The following CACNB2 variants were observed in gnomAD, a reference collection of about 807,000 sequenced individuals.
CACNB2 encodes the protein calcium voltage-gated channel auxiliary subunit beta 2, also known as voltage-dependent L-type calcium channel subunit beta-2.
A neutral mutation model predicts 73.3 loss-of-function variants in CACNB2; 42 were observed. That is an observed-to-expected ratio of 0.57 (90% CI 0.45 to 0.74). The LOEUF (loss-of-function observed/expected upper bound fraction) is 0.74, where lower values mean the gene tolerates loss of function less well. Among genes scored for constraint, CACNB2 ranks in the 30% least tolerant of loss-of-function variants. CACNB2 has a pLI of 0.00. For synonymous variants in CACNB2, 348 were observed against 310.3 expected, an observed-to-expected ratio of 1.12 and a Z score of -1.28; for missense variants, 940 against 853.0, an observed-to-expected ratio of 1.10 and a Z score of -1.27.
chr10:18,507,525 A>T (rs1208341057), intron 6 of CACNB2, among the ~76,000 whole-genome samples: 2 of 152,264 alleles, frequency 1.3e-5, no homozygotes, highest in East Asian at 3.8e-4. Flanking sequence ...ATGCTAAAAC[A>T]TTGTTTTAAA....
intron 1 of CACNB2, chr10:18,141,136 G>C: frequency 6.5e-7 from 1 of 1,550,180 alleles, no homozygotes. Context: ...GGTTGCTCCA[G>C]CTGGCCCTCC....
chr10:18,152,161 G>T (rs1482069897), intron 2 of CACNB2, among the ~76,000 whole-genome samples: 1 of 152,032 alleles, frequency 6.6e-6, no homozygotes, highest in Non-Finnish European at 1.5e-5. Context: ...TTTGATCTTG[G>T]CTGGTTGCTG....
intron 2 of CACNB2, among the ~76,000 whole-genome samples, chr10:18,348,019 C>T (rs1033044987): frequency 2.0e-5 from 3 of 152,096 alleles, no homozygotes; most frequent in African/African-American, 7.2e-5. Flanking sequence ...TGTATATCCA[C>T]CCAAATATAA....
rs2052884416 is a variant in CACNB2 at position 18,530,405 on chromosome 10, T to C, written c.1054+2708T>C. 2.0e-5 allele frequency among the ~76,000 whole-genome samples: 3 copies of C among 151,856 alleles called. No individual in the cohort carries two copies. The South Asian group carries it at 6.3e-4, about 32-fold the overall frequency. The stretch of plus-strand genomic sequence containing the variant: ...GTATATATAGACAGACAGAGATGGC[T>C]GGTCAGTGGTTGAGAATTCTAAAAG... On this transcript the variant is annotated intron_variant, in intron 10 of 13. Coordinates refer to ENST00000324631, the MANE Select transcript of CACNB2 (RefSeq NM_201596.3).
intron 2 of CACNB2, among the ~76,000 whole-genome samples, chr10:18,198,054 TAATA>T (rs1255155437): frequency 6.8e-6 from 1 of 147,992 alleles, no homozygotes; most frequent in African/African-American, 2.5e-5. Context: ...TATACATAAA[TAATA>T]AATGTTAATG....
intron 3 of CACNB2, among the ~76,000 whole-genome samples, chr10:18,477,285 G>A (rs1310572682): frequency 6.6e-6 from 1 of 152,094 alleles, no homozygotes; most frequent in Non-Finnish European, 1.5e-5. Flanking sequence ...GGTGGGATTT[G>A]GCCGGCTTCT....
chr10:18,231,597 A>C (rs1338838464), intron 2 of CACNB2, among the ~76,000 whole-genome samples: 3 of 152,170 alleles, frequency 2.0e-5, no homozygotes, highest in East Asian at 1.9e-4. Context: ...TATCCATTGA[A>C]CCTTCACTGG....
intron 2 of CACNB2, among the ~76,000 whole-genome samples, chr10:18,381,451 G>A (rs2043013145): frequency 6.6e-6 from 1 of 152,044 alleles, no homozygotes; most frequent in Non-Finnish European, 1.5e-5. Flanking sequence ...AAAACTTTGG[G>A]AGGCTGAGGC....
In CACNB2 at chr10:18,497,350, A is replaced by G. The variant is rs527343440; in HGVS notation, c.334-1005A>G. Among the ~76,000 whole-genome samples the G allele has an allele frequency of 3.9e-5, 6 of 152,304 alleles. No individual in the cohort carries two copies. The South Asian group carries it at 6.2e-4, about 16-fold the overall frequency. On this transcript the variant is annotated intron_variant, in intron 3 of 13. Coordinates refer to ENST00000324631, the MANE Select transcript of CACNB2 (RefSeq NM_201596.3). ...ATTTCTGAGCTTACCTGTTTCTTTC[A>G]TCTTGTGGATAAATAGGTATTAGCT...
At chr10:18,465,344 A>C (rs1213637285) in intron 3 of CACNB2, among the ~76,000 whole-genome samples, 1 of 152,142 alleles carries the variant, frequency 6.6e-6, no homozygotes, top group Non-Finnish European at 1.5e-5. Flanking sequence ...AAAATAAATA[A>C]ACTAGAAACA....
At chr10:18,221,834 C>T (rs1025499032) in intron 2 of CACNB2, among the ~76,000 whole-genome samples, 8 of 152,108 alleles carry the variant, frequency 5.3e-5, no homozygotes, top group Non-Finnish European at 1.5e-5. Flanking sequence ...GAAACCAATC[C>T]AGAATTTTGG....
chr10:18,227,629 G>A (rs929820750), intron 2 of CACNB2, among the ~76,000 whole-genome samples: 1 of 152,150 alleles, frequency 6.6e-6, no homozygotes, highest in Non-Finnish European at 1.5e-5. Context: ...GGTCTTGGGC[G>A]GCCGCAAGAC....
intron 2 of CACNB2, among the ~76,000 whole-genome samples, chr10:18,263,881 T>C (rs1323164024): frequency 1.3e-5 from 2 of 152,356 alleles, no homozygotes; most frequent in East Asian, 3.9e-4. Context: ...AGCTTTATTC[T>C]TGACATTATT....
chr10:18,170,932 A>G (rs2033177122), intron 2 of CACNB2, among the ~76,000 whole-genome samples: 1 of 152,178 alleles, frequency 6.6e-6, no homozygotes, highest in Non-Finnish European at 1.5e-5. Flanking sequence ...AGTAATGATA[A>G]TTCTTGCATG....
chr10:18,420,519 G>T (rs953051046), intron 3 of CACNB2, among the ~76,000 whole-genome samples: 51 of 152,050 alleles, frequency 3.4e-4, no homozygotes, highest in African/African-American at 1.2e-3. Context: ...AAGCAGGCAG[G>T]CAGAAAGAAA....
chr10:18,333,352 C>T (rs764692732), intron 2 of CACNB2, among the ~76,000 whole-genome samples: 1 of 151,974 alleles, frequency 6.6e-6, no homozygotes, highest in Non-Finnish European at 1.5e-5. Context: ...CACAGTACAA[C>T]TACTTGCCTT....
rs958801362 is a variant in CACNB2, at chr10:18,518,187, G to C, written c.805-149G>C. 44 of 710,110 alleles carry C rather than the reference G, an allele frequency of 6.2e-5. No homozygotes were observed. In the Admixed American group the frequency reaches 8.7e-4, roughly 14 times the overall value. The allele number at this position is 710,110 out of a possible 1,614,324, so 44.0% of individuals were successfully genotyped here. The stretch of plus-strand genomic sequence containing the variant: ...AATGAACCCACCAATCTTTGACTGG[G>C]TTTATGTAGAAAAGAGGCAAGTGGG... On this transcript the variant is annotated intron_variant, in intron 7 of 13. Transcript: ENST00000324631.
At chr10:18,399,939 TTC>T in intron 2 of CACNB2, among the ~76,000 whole-genome samples, 1 of 152,306 alleles carries the variant, frequency 6.6e-6, no homozygotes, top group Non-Finnish European at 1.5e-5. Context: ...GACTCAATTA[TTC>T]TGTGAATTTT....
At chr10:18,433,428 A>T (rs1311272866) in intron 3 of CACNB2, among the ~76,000 whole-genome samples, 2 of 152,196 alleles carry the variant, frequency 1.3e-5, no homozygotes, top group Non-Finnish European at 2.9e-5. Context: ...TTTGCCCTGC[A>T]CAGAACTCTG....
Sources: gnomAD v4.1 joint callset for allele counts (sites outside exome capture counted in the v4.1 genomes callset) on GRCh38, gnomAD v4.1.1 for gene constraint, MANE v1.5 for transcripts, NCBI Gene and HGNC (gene_info 2026-07-23, HGNC 2026-07-21) for gene names.